The following UST variants were observed in gnomAD, a reference collection of about 807,000 sequenced individuals.
The protein encoded by UST is uronyl 2-sulfotransferase, also known as chondroitin sulfate 2-O-sulfotransferase.
A neutral mutation model predicts 45.6 loss-of-function variants in UST; 21 were observed. The ratio of observed to expected loss-of-function variants is 0.46; its 90% confidence interval spans 0.33 to 0.66. UST has a LOEUF of 0.66. Among genes scored for constraint, UST ranks in the 30% least tolerant of loss-of-function variants. UST has a pLI of 0.02. For missense variants in UST, 463 were observed against 512.4 expected (o/e 0.90, Z 0.93); for synonymous variants, 215 against 200.6 (o/e 1.07, Z -0.61).
chr6:148,897,159 C>CT (rs1290539440), intron 2 of UST, among the ~76,000 whole-genome samples: 2 of 151,936 alleles, frequency 1.3e-5, no homozygotes, highest in Admixed American at 6.6e-5. Context: ...TTTTATTTTA[C>CT]TTTTAAAATT....
chr6:149,055,504 T>C (rs1409102464), intron 7 of UST, among the ~76,000 whole-genome samples: 1 of 152,110 alleles, frequency 6.6e-6, no homozygotes, highest in East Asian at 2.0e-4. Flanking sequence ...TTTTTAAGAA[T>C]GCTTTGAATG....
chr6:148,890,590 C>T (rs1400822435), intron 2 of UST, among the ~76,000 whole-genome samples: 1 of 152,162 alleles, frequency 6.6e-6, no homozygotes, highest in Admixed American at 6.5e-5. Flanking sequence ...TGTTCAATTT[C>T]ACAAGTTTCA....
rs376770909 is a variant in UST at position 148,751,063 on chromosome 6, T to C, written c.247+3386T>C. ...GCAATCTGTGCGTCAGCAAGTCCTC[T>C]AGGTGATTCCAACGCAGAGAATTTG... is the stretch of plus-strand genomic sequence containing the variant. On this transcript the variant is annotated intron_variant, in intron 1 of 7. Transcript: ENST00000367463. Among the ~76,000 whole-genome samples the C allele has an allele frequency of 2.2e-4, 34 of 152,304 alleles. No individual in the cohort carries two copies. In the East Asian group the frequency reaches 4.6e-3, roughly 21 times the overall value.
intron 7 of UST, among the ~76,000 whole-genome samples, chr6:149,031,217 AAAAAAAG>A (rs10580775): frequency 0.66 from 98,786 of 149,620 alleles, 33,097 homozygotes; most frequent in African/African-American, 0.77. Context: ...AAAAAAAAAA[AAAAAAAG>A]TCTAAGCTGA....
intron 1 of UST, among the ~76,000 whole-genome samples, chr6:148,801,510 C>T (rs1777057075): frequency 6.6e-6 from 1 of 152,074 alleles, no homozygotes; most frequent in Non-Finnish European, 1.5e-5. Context: ...TCTTTTTCTA[C>T]CCAGAGCCCA....
intron 1 of UST, among the ~76,000 whole-genome samples, chr6:148,880,835 C>G (rs1321696693): frequency 6.6e-6 from 1 of 152,054 alleles, no homozygotes; most frequent in Non-Finnish European, 1.5e-5. Flanking sequence ...CGGGACCATC[C>G]TGGCTAACAT....
At chr6:149,036,360 G>A (rs562802202) in intron 7 of UST, among the ~76,000 whole-genome samples, 1 of 152,148 alleles carries the variant, frequency 6.6e-6, no homozygotes, top group Non-Finnish European at 1.5e-5. Context: ...TTGCCTAATC[G>A]GATGCGTGCC....
At chr6:148,821,162 G>A (rs974802074) in intron 1 of UST, among the ~76,000 whole-genome samples, 5 of 151,150 alleles carry the variant, frequency 3.3e-5, no homozygotes, top group Non-Finnish European at 7.4e-5. Context: ...GTAGAGTCGG[G>A]GTTTTGCCAT....
intron 1 of UST, among the ~76,000 whole-genome samples, chr6:148,806,365 G>C (rs191076243): frequency 6.6e-6 from 1 of 152,126 alleles, no homozygotes; most frequent in Non-Finnish European, 1.5e-5. Context: ...TTGAGACAGA[G>C]TCTTGCTCTG....
intron 5 of UST, among the ~76,000 whole-genome samples, chr6:149,007,655 C>T (rs554356760): frequency 6.6e-6 from 1 of 151,254 alleles, no homozygotes; most frequent in African/African-American, 2.4e-5. Context: ...AACTCCTGAC[C>T]TCAGGTGATC....
intron 1 of UST, among the ~76,000 whole-genome samples, chr6:148,874,992 G>T (rs9390622): frequency 6.6e-6 from 1 of 152,206 alleles, no homozygotes; most frequent in Non-Finnish European, 1.5e-5. Flanking sequence ...CCACATGATC[G>T]TGTCATAGGT....
intron 1 of UST, among the ~76,000 whole-genome samples, chr6:148,810,018 G>A (rs925362801): frequency 3.0e-4 from 45 of 152,316 alleles, no homozygotes; most frequent in African/African-American, 9.4e-4. Context: ...GGAGGAGACA[G>A]AGCCATCTTA....
chr6:149,015,266 G>C (rs1008455733), intron 5 of UST, among the ~76,000 whole-genome samples: 1 of 152,170 alleles, frequency 6.6e-6, no homozygotes, highest in Admixed American at 6.5e-5. Context: ...GAAAGCATAT[G>C]GTTTTTAAAA....
chr6:148,993,331 T>C (rs1781389692), intron 5 of UST, among the ~76,000 whole-genome samples: 1 of 152,140 alleles, frequency 6.6e-6, no homozygotes, highest in South Asian at 2.1e-4. Context: ...TCTAGTACCG[T>C]TGAGAATTCT....
chr6:148,941,181 TTTA>T (rs1780118447), intron 2 of UST, 95 bp from the exon 3 acceptor site: 1 of 1,437,964 alleles, frequency 7.0e-7, no homozygotes, highest in Non-Finnish European at 9.6e-7. Flanking sequence ...TTCACTCAGA[TTTA>T]TTATATGAAA....
intron 5 of UST, among the ~76,000 whole-genome samples, chr6:148,969,967 C>G (rs1244700539): frequency 6.6e-6 from 1 of 152,232 alleles, no homozygotes; most frequent in Non-Finnish European, 1.5e-5. Context: ...CGCGCACTCT[C>G]CCTCTCCGAG....
intron 2 of UST, among the ~76,000 whole-genome samples, chr6:148,900,565 T>TTG (rs1779232366): frequency 6.6e-6 from 1 of 152,234 alleles, no homozygotes; most frequent in African/African-American, 2.4e-5. Context: ...CCTCCCAGCC[T>TTG]TGTGGAACTG....
chr6:148,914,572 C>T (rs1353449772), intron 2 of UST, among the ~76,000 whole-genome samples: 1 of 152,132 alleles, frequency 6.6e-6, no homozygotes, highest in Non-Finnish European at 1.5e-5. Context: ...TTTGTGTCCT[C>T]CCAAAATTCG....
In UST at chr6:148,897,743, G is replaced by A. The variant is rs142270852; in HGVS notation, c.291+10714G>A. ...TGGCTTCAAGTGATCCTTCTGCCTC[G>A]GCCTCCCAAAGTGTTGGGATTATAG... On this transcript the variant is annotated intron_variant, in intron 2 of 7. Coordinates refer to ENST00000367463, the MANE Select transcript of UST (RefSeq NM_005715.3). Among the ~76,000 whole-genome samples, 358 of 151,928 alleles carry A rather than the reference G, an allele frequency of 2.4e-3. 2 individuals carry two copies. Among genetic ancestry groups the A allele is most frequent in the African/African-American group, 7.1e-3 (295 of 41,422 alleles).
Sources: gnomAD v4.1 joint callset for allele counts (sites outside exome capture counted in the v4.1 genomes callset) on GRCh38, gnomAD v4.1.1 for gene constraint, MANE v1.5 for transcripts, NCBI Gene and HGNC (gene_info 2026-07-23, HGNC 2026-07-21) for gene names.